Variants in NPR3 observed in about 807,000 individuals in gnomAD.
NPR3 encodes natriuretic peptide receptor 3.
A neutral mutation model predicts 54.5 loss-of-function variants in NPR3; 34 were observed. That is an observed-to-expected ratio of 0.62 (90% CI 0.47 to 0.83). The LOEUF (loss-of-function observed/expected upper bound fraction) is 0.83. NPR3 is among the 40% of genes least tolerant of loss of function. NPR3 has a pLI of 0.00. For synonymous variants in NPR3, 289 were observed against 297.1 expected, an observed-to-expected ratio of 0.97 and a Z score of 0.28; for missense variants, 674 against 720.8, an observed-to-expected ratio of 0.94 and a Z score of 0.74.
At chr5:32,750,284 A>G (rs1740510452) in intron 3 of NPR3, among the ~76,000 whole-genome samples, 1 of 152,082 alleles carries the variant, frequency 6.6e-6, no homozygotes, top group Non-Finnish European at 1.5e-5. Flanking sequence ...GCCGGCTACC[A>G]CGCATGGCTA....
chr5:32,695,378 C>T (rs1561065086), intron 1 of NPR3, among the ~76,000 whole-genome samples: 1 of 152,234 alleles, frequency 6.6e-6, no homozygotes, highest in African/African-American at 2.4e-5. Context: ...CATTCTCCTG[C>T]CTCAGCCTCC....
At chr5:32,739,415 C>T (rs1739929593) in intron 3 of NPR3, among the ~76,000 whole-genome samples, 1 of 151,976 alleles carries the variant, frequency 6.6e-6, no homozygotes, top group Admixed American at 6.6e-5. Context: ...ATTTGCATGC[C>T]TAATTTTTTC....
At chr5:32,710,572 C>G (rs1738155234), upstream of NPR3, 3 of 1,367,064 alleles carry the variant, frequency 2.2e-6, no homozygotes, top group Admixed American at 1.1e-4. Context: ...CCAGCGCAAA[C>G]CTGCGTGGCC....
intron 1 of NPR3, among the ~76,000 whole-genome samples, chr5:32,718,219 G>T (rs954493612): frequency 1.3e-5 from 2 of 152,226 alleles, no homozygotes; most frequent in Admixed American, 6.5e-5. Flanking sequence ...TGGTACTGGT[G>T]CCATGCTGTT....
At chr5:32,729,011 T>G (rs1739304127) in intron 2 of NPR3, among the ~76,000 whole-genome samples, 2 of 133,216 alleles carry the variant, frequency 1.5e-5, no homozygotes. Context: ...TGTGTGCCTG[T>G]GTGTTTTTTT....
intron 1 of NPR3, among the ~76,000 whole-genome samples, chr5:32,703,139 A>G (rs1050064128): frequency 6.6e-6 from 1 of 152,070 alleles, no homozygotes; most frequent in Non-Finnish European, 1.5e-5. Flanking sequence ...CTTCCTGGCT[A>G]CTGCTGATGT....
chr5:32,761,966 C>G (rs572527860), intron 3 of NPR3, among the ~76,000 whole-genome samples: 6 of 152,018 alleles, frequency 3.9e-5, no homozygotes, highest in African/African-American at 1.5e-4. Context: ...CAACAGGCCC[C>G]GGTGTGTGAT....
upstream of NPR3, among the ~76,000 whole-genome samples, chr5:32,707,892 T>C (rs1234521350): frequency 2.6e-5 from 4 of 151,556 alleles, no homozygotes. Context: ...AAATAACATA[T>C]AGACAGTAAT....
intron 1 of NPR3, 105 bp from the exon 2 acceptor site, chr5:32,724,593 C>A (rs1408463500): frequency 2.3e-6 from 3 of 1,322,162 alleles, no homozygotes; most frequent in African/African-American, 1.4e-5. Context: ...TACTTCAGGA[C>A]CATATAAGTA....
chr5:32,741,535 A>T (rs191624137), intron 3 of NPR3, among the ~76,000 whole-genome samples: 8 of 152,310 alleles, frequency 5.3e-5, no homozygotes, highest in Non-Finnish European at 1.5e-5. Context: ...CTGGAAAGGT[A>T]TACCTACTAC....
intron 3 of NPR3, among the ~76,000 whole-genome samples, chr5:32,740,927 A>G (rs1740005678): frequency 6.6e-6 from 1 of 152,110 alleles, no homozygotes; most frequent in Non-Finnish European, 1.5e-5. Context: ...CCTTTGTCTC[A>G]GAAATATGAA....
At chr5:32,724,630 C>G (rs1739040973) in intron 1 of NPR3, 68 bp from the exon 2 acceptor site, 1 of 1,586,654 alleles carries the variant, frequency 6.3e-7, no homozygotes, top group Non-Finnish European at 8.6e-7. Context: ...ATGTCCCTTA[C>G]TGGTGTCAGC....
At chr5:32,753,566 T>C (rs2062708) in intron 3 of NPR3, among the ~76,000 whole-genome samples, 24,319 of 151,538 alleles carry the variant, frequency 0.16, 2,059 homozygotes, top group South Asian at 0.22. Flanking sequence ...AATTCCTTTT[T>C]TTTTTCTGCC....
chr5:32,753,418 A>AG (rs1287154782), intron 3 of NPR3, among the ~76,000 whole-genome samples: 3 of 152,016 alleles, frequency 2.0e-5, no homozygotes, highest in African/African-American at 7.3e-5. Context: ...TTGTTGGAAT[A>AG]GTCCGATCAC....
At chr5:32,774,943 C>G in intron 4 of NPR3, 100 bp downstream of exon 4, 1 of 884,632 alleles carries the variant, frequency 1.1e-6, no homozygotes. Flanking sequence ...TTTCCAGCGT[C>G]TTGCTTTTCT....
intron 3 of NPR3, among the ~76,000 whole-genome samples, chr5:32,741,096 TGTTGTCTG>T (rs1284310420): frequency 6.7e-6 from 1 of 148,294 alleles, no homozygotes; most frequent in African/African-American, 2.5e-5. Context: ...AGTGGTGCCA[TGTTGTCTG>T]GTTTCCTCTC....
At chr5:32,751,155 TA>T (rs3838653) in intron 3 of NPR3, among the ~76,000 whole-genome samples, 22,474 of 152,152 alleles carry the variant, frequency 0.15, 1,775 homozygotes, top group South Asian at 0.25. Context: ...GATATTTACA[TA>T]AAAAATAATT....
At chr5:32,733,963 T>A (rs1232979445) in intron 2 of NPR3, among the ~76,000 whole-genome samples, 1 of 152,230 alleles carries the variant, frequency 6.6e-6, no homozygotes, top group Non-Finnish European at 1.5e-5. Context: ...CTAAACGACT[T>A]GGGGCATGTT....
intron 1 of NPR3, among the ~76,000 whole-genome samples, chr5:32,695,426 G>A (rs934654975): frequency 6.6e-6 from 1 of 152,064 alleles, no homozygotes; most frequent in Admixed American, 6.6e-5. Context: ...CACCACGCCC[G>A]CCCGGCTAAT....
Sources: gnomAD v4.1 joint callset for allele counts (sites outside exome capture counted in the v4.1 genomes callset) on GRCh38, gnomAD v4.1.1 for gene constraint, MANE v1.5 for transcripts, NCBI Gene and HGNC (gene_info 2026-07-23, HGNC 2026-07-21) for gene names.